Variants in GRIK3 observed in about 807,000 individuals in gnomAD.
GRIK3 encodes the protein glutamate ionotropic receptor kainate type subunit 3, also known as glutamate receptor ionotropic, kainate 3.
In GRIK3, 29 loss-of-function variants were observed where a neutral mutation model predicts 102.5. The ratio of observed to expected loss-of-function variants is 0.28; its 90% CI spans 0.21 to 0.39. GRIK3 has a LOEUF of 0.39. GRIK3 is among the 10% of genes least tolerant of loss of function. The pLI is 1.00. For missense variants in GRIK3, 908 were observed against 1,252.4 expected, an observed-to-expected ratio of 0.73 and a Z score of 4.15; for synonymous variants, 511 against 504.9, an observed-to-expected ratio of 1.01 and a Z score of -0.16.
chr1:36,877,464 T>C (rs1557710923), intron 3 of GRIK3, among the ~76,000 whole-genome samples: 1 of 152,218 alleles, frequency 6.6e-6, no homozygotes. Context: ...GCATTGCTCT[T>C]AGAACCACCT....
chr1:36,968,990 C>T (rs1226576129), intron 1 of GRIK3, among the ~76,000 whole-genome samples: 1 of 152,176 alleles, frequency 6.6e-6, no homozygotes, highest in Non-Finnish European at 1.5e-5. Flanking sequence ...GTGCCAAATC[C>T]CTACTCTCTC....
At chr1:36,976,986 C>T (rs768268052) in intron 1 of GRIK3, among the ~76,000 whole-genome samples, 24 of 152,192 alleles carry the variant, frequency 1.6e-4, no homozygotes, top group Admixed American at 3.3e-4. Flanking sequence ...AGAGTCCAAG[C>T]GGGTGTGACC....
At chr1:36,960,960 C>A (rs1319290222) in intron 1 of GRIK3, among the ~76,000 whole-genome samples, 1 of 152,184 alleles carries the variant, frequency 6.6e-6, no homozygotes, top group African/African-American at 2.4e-5. Context: ...AAGCACAACA[C>A]ATAGGTCACC....
At chr1:36,920,347 G>A (rs2124303299) in intron 1 of GRIK3, among the ~76,000 whole-genome samples, 1 of 152,308 alleles carries the variant, frequency 6.6e-6, no homozygotes, top group South Asian at 2.1e-4. Flanking sequence ...GGACAGGTTA[G>A]AGGCTGATGC....
At chr1:36,879,263 G>A (rs1314513272) in intron 3 of GRIK3, among the ~76,000 whole-genome samples, 1 of 152,172 alleles carries the variant, frequency 6.6e-6, no homozygotes, top group Non-Finnish European at 1.5e-5. Context: ...GGAGGCTGAG[G>A]TGGGAGGATT....
At chr1:36,879,754 C>T (rs2124261817) in intron 3 of GRIK3, among the ~76,000 whole-genome samples, 1 of 152,278 alleles carries the variant, frequency 6.6e-6, no homozygotes, top group South Asian at 2.1e-4. Context: ...CTCTAGCTGG[C>T]AGAGCATGTG....
intron 1 of GRIK3, among the ~76,000 whole-genome samples, chr1:36,987,937 C>T (rs1422474035): frequency 6.6e-6 from 1 of 152,202 alleles, no homozygotes; most frequent in Admixed American, 6.5e-5. Context: ...TTTAATAGAA[C>T]TCAGGCAGGG....
intron 1 of GRIK3, among the ~76,000 whole-genome samples, chr1:36,968,311 T>C (rs973486758): frequency 6.6e-6 from 1 of 151,570 alleles, no homozygotes; most frequent in African/African-American, 2.4e-5. Context: ...AGATTTATTT[T>C]TGTCTCCGCC....
intron 1 of GRIK3, among the ~76,000 whole-genome samples, chr1:36,967,643 G>A (rs1379779624): frequency 6.6e-6 from 1 of 152,186 alleles, no homozygotes; most frequent in African/African-American, 2.4e-5. Flanking sequence ...AAAGGGTGGG[G>A]CCCATCGGCA....
At chr1:36,842,332 A>C (rs1437697934) in intron 9 of GRIK3, among the ~76,000 whole-genome samples, 2 of 152,072 alleles carry the variant, frequency 1.3e-5, no homozygotes, top group East Asian at 3.9e-4. Context: ...ACTTGTTAGA[A>C]ATGCACATTC....
At chr1:36,944,771 C>G (rs1641764275) in intron 1 of GRIK3, among the ~76,000 whole-genome samples, 1 of 152,192 alleles carries the variant, frequency 6.6e-6, no homozygotes, top group African/African-American at 2.4e-5. Context: ...ATTTCCTCAT[C>G]TTTAAAATGG....
chr1:36,979,610 AAAC>A (rs1440811270), intron 1 of GRIK3, among the ~76,000 whole-genome samples: 3 of 152,224 alleles, frequency 2.0e-5, no homozygotes, highest in Non-Finnish European at 4.4e-5. Context: ...ACTCAAAGAA[AAAC>A]AACCTATGAC....
At chr1:36,912,584 C>A (rs1377685413) in intron 1 of GRIK3, among the ~76,000 whole-genome samples, 3 of 152,092 alleles carry the variant, frequency 2.0e-5, no homozygotes, top group Non-Finnish European at 2.9e-5. Context: ...CCTCACAGGG[C>A]TTGCATTTGG....
intron 1 of GRIK3, among the ~76,000 whole-genome samples, chr1:36,963,262 G>A (rs938504736): frequency 2.6e-5 from 4 of 152,132 alleles, no homozygotes; most frequent in African/African-American, 7.2e-5. Context: ...AAGTACGTCT[G>A]GGGGAGGCAA....
chr1:36,900,733 A>C (rs189967992), intron 1 of GRIK3, among the ~76,000 whole-genome samples: 121 of 152,314 alleles, frequency 7.9e-4, no homozygotes, highest in African/African-American at 2.8e-3. Flanking sequence ...TGAAAACAAG[A>C]AATCAATATA....
intron 1 of GRIK3, among the ~76,000 whole-genome samples, chr1:36,900,607 T>C (rs977173949): frequency 6.6e-6 from 1 of 151,776 alleles, no homozygotes; most frequent in Non-Finnish European, 1.5e-5. Context: ...AGAAGAAAGA[T>C]CTAAAATTAA....
At chr1:37,026,873 C>T (rs1285192704) in intron 1 of GRIK3, among the ~76,000 whole-genome samples, 4 of 151,770 alleles carry the variant, frequency 2.6e-5, no homozygotes, top group Non-Finnish European at 5.9e-5. Context: ...ACATGTGAGA[C>T]ACGAGCTGAT....
chr1:36,863,930 ATCC>A (rs1640754893), intron 5 of GRIK3, among the ~76,000 whole-genome samples: 1 of 152,106 alleles, frequency 6.6e-6, no homozygotes, highest in African/African-American at 2.4e-5. Context: ...AGTGTTTCAC[ATCC>A]TCCTCTCAGG....
chr1:37,009,100 A>C (rs1642561931), intron 1 of GRIK3, among the ~76,000 whole-genome samples: 1 of 151,948 alleles, frequency 6.6e-6, no homozygotes, highest in African/African-American at 2.4e-5. Flanking sequence ...TAATAATAAT[A>C]ATAATATCAA....
Sources: allele counts gnomAD v4.1 joint callset (sites outside exome capture counted in the v4.1 genomes callset), GRCh38; gene constraint gnomAD v4.1.1; transcripts MANE v1.5; gene names NCBI Gene and HGNC (gene_info 2026-07-23, HGNC 2026-07-21).